The following KIF7 variants were observed in gnomAD, a reference collection of about 807,000 sequenced individuals.
The protein encoded by KIF7 is kinesin family member 7, also known as kinesin-like protein KIF7.
Under a neutral mutation model 135.7 loss-of-function variants are expected in KIF7, and 104 were observed. That is an observed-to-expected ratio of 0.77 (90% confidence interval 0.65 to 0.90). The LOEUF (loss-of-function observed/expected upper bound fraction) is 0.90. Ranked by LOEUF, KIF7 falls within the 40% of genes least tolerant of loss-of-function variation. The pLI is 0.00. For synonymous variants in KIF7, 883 were observed against 809.4 expected (o/e 1.09, Z -1.54); for missense variants, 2,005 against 1,839.1 (o/e 1.09, Z -1.65).
rs543250382 is a variant in KIF7 at position 89,619,564 on chromosome 15, T to A, written c.181-1369A>T. On this transcript the variant is annotated intron_variant and NMD_transcript_variant, in intron 1 of 2. Transcript: ENST00000558928. Reference sequence around the variant, plus strand: ...CCCCTCTTAGTTTGTTAAGAGACACTTCAGAAGTCTCTTAAAGCTAATAGC... The same window carrying A: ...CCCCTCTTAGTTTGTTAAGAGACACATCAGAAGTCTCTTAAAGCTAATAGC... 162 of 811,890 alleles carry A rather than the reference T, an allele frequency of 2.0e-4. 3 individuals carry two copies. The South Asian group carries it at 2.7e-3, about 13-fold the overall frequency. 50.3% of individuals were successfully genotyped at this position (811,890 alleles called of 1,614,324 possible). A position where few individuals can be genotyped will look rare whatever the true frequency, so the allele number is the denominator to read the frequency against.
chr15:89,629,188 G>C, intron 17 of KIF7, 66 bp from the exon 18 acceptor site: 2 of 1,452,672 alleles, frequency 1.4e-6, no homozygotes, highest in Admixed American at 3.7e-5. Context: ...CAGGGCTGTG[G>C]GGGTGGGGGC....
Position 89,642,395 on chromosome 15 carries a change from A to T in KIF7, c.2202T>A (p.Ala734=), listed in dbSNP as rs1195634938. The T allele has an allele frequency of 2.5e-6, 4 of 1,600,790 alleles. No homozygotes were observed. The highest frequency in any genetic ancestry group is 3.4e-6 in the Non-Finnish European group (4 of 1,174,472). The change falls in exon 11 of 19, where the codon GCT becomes GCA. Residue 734 remains alanine (A), a synonymous_variant. Transcript: ENST00000394412. ...GGCTGTGCTGGCGGTTCAGGGCCTG[A>T]GCTGCCTTTCCTGGAAGAAAGCGGG... ...IGELVRTGKA[A]QALNRQHSQR... is the part of the protein sequence containing the mutation.
At chr15:89,629,249 G>C in intron 17 of KIF7, 126 bp downstream of exon 17, 1 of 1,221,370 alleles carries the variant, frequency 8.2e-7, no homozygotes, top group Non-Finnish European at 1.1e-6. Flanking sequence ...GGCCACCAGG[G>C]CTGTAGGTGC....
At chr15:89,642,147 G>T in intron 11 of KIF7, 56 bp downstream of exon 11, 1 of 1,554,810 alleles carries the variant, frequency 6.4e-7, no homozygotes, top group South Asian at 1.1e-5. Flanking sequence ...CCCAAGGATG[G>T]CAGCCTAGGA....
Position 89,628,378 on chromosome 15 carries a change from G to A in KIF7, c.*41C>T. The A allele has an allele frequency of 6.4e-7, 1 of 1,566,862 alleles. No homozygotes were observed. The highest frequency in any genetic ancestry group is 1.4e-5 in the African/African-American group (1 of 73,480). ...AAACAGGCAGCTGCCCCTTTCAGCA[G>A]GCTCGGAGTCTCCCTCCAAGGCAGG... On this transcript the variant is annotated 3_prime_UTR_variant, in exon 19 of 19. Coordinates refer to ENST00000394412, the MANE Select transcript of KIF7 (RefSeq NM_198525.3).
chr15:89,660,351 A>C (rs1372069004), upstream of KIF7, among the ~76,000 whole-genome samples: 1 of 152,204 alleles, frequency 6.6e-6, no homozygotes, highest in Non-Finnish European at 1.5e-5. Context: ...GATGAAAACT[A>C]TATTTCCCAT....
At chr15:89,653,610 CTCTT>C (rs1234111761) in intron 1 of KIF7, among the ~76,000 whole-genome samples, 1 of 152,184 alleles carries the variant, frequency 6.6e-6, no homozygotes, top group African/African-American at 2.4e-5. Context: ...CAGGGTCTCT[CTCTT>C]TCACCCAGAC....
chr15:89,629,859 A>G, intron 16 of KIF7: 1 of 555,824 alleles, frequency 1.8e-6, no homozygotes, highest in Non-Finnish European at 3.2e-6. Context: ...TTTCATCTAG[A>G]CCAACCTCAG....
intron 2 of KIF7, among the ~76,000 whole-genome samples, chr15:89,651,906 G>A (rs576031825): frequency 6.0e-4 from 91 of 152,136 alleles, no homozygotes; most frequent in Non-Finnish European, 1.3e-3. Flanking sequence ...CCCCTTCTGT[G>A]TACTACCATG....
chr15:89,623,731 T>A (rs1323583024), downstream of KIF7: 1 of 1,613,534 alleles, frequency 6.2e-7, no homozygotes, highest in South Asian at 1.1e-5. Context: ...GCTGCAGAAG[T>A]CCCCTGCAAA....
chr15:89,640,824 TAAAAAAAAAAAAA>T (rs10716351), intron 11 of KIF7, among the ~76,000 whole-genome samples: 2 of 134,592 alleles, frequency 1.5e-5, no homozygotes, highest in African/African-American at 2.8e-5. Context: ...TGTCTCTACT[TAAAAAAAAAAAAA>T]AAAAGAAAAA....
chr15:89,633,341 C>A, intron 12 of KIF7, 75 bp from the exon 13 acceptor site: 1 of 1,527,780 alleles, frequency 6.5e-7, no homozygotes, highest in Non-Finnish European at 8.8e-7. Context: ...GATCCCAAAG[C>A]CCCCAGGAGT....
chr15:89,628,793 T>G lies in KIF7; in HGVS notation c.3665-7A>C. ...AGGCTCCTCTTCTCCCCACCTGTCA[T>G]GGAGAGTAACGTGTCCTCATCAGAA... On this transcript the variant is annotated splice_polypyrimidine_tract_variant and splice_region_variant and intron_variant, in intron 18 of 18. Coordinates refer to ENST00000394412, the MANE Select transcript of KIF7 (RefSeq NM_198525.3). The G allele has an allele frequency of 6.2e-7, 1 of 1,611,824 alleles. No homozygotes were observed. The highest frequency in any genetic ancestry group is 8.5e-7 in the Non-Finnish European group (1 of 1,179,978).
In KIF7 at chr15:89,633,711, A is replaced by AT. The variant is rs1157312406; in HGVS notation, c.2566dup (p.Met856AsnfsTer16). The AT allele has an allele frequency of 6.2e-7, 1 of 1,607,830 alleles. No homozygotes were observed. The highest frequency in any genetic ancestry group is 8.5e-7 in the Non-Finnish European group (1 of 1,179,460). ...CTTGACGCGGTGCTGCCGCTTGCTC[A>AT]TTTCTGCCTCCAGGCGCCGCTTCTG... On this transcript the variant is annotated frameshift_variant, in exon 12 of 19. Transcript: ENST00000394412. LOFTEE classifies it high-confidence loss of function.
chr15:89,647,534 C>T, intron 6 of KIF7, 62 bp downstream of exon 6: 1 of 1,442,046 alleles, frequency 6.9e-7, no homozygotes, highest in African/African-American at 1.4e-5. Flanking sequence ...AGAAACTCAG[C>T]TCTGCCTTCC....
chr15:89,660,487 G>C, the KIF7 span, among the ~76,000 whole-genome samples: 2 of 152,214 alleles, frequency 1.3e-5, no homozygotes, highest in Non-Finnish European at 2.9e-5. Flanking sequence ...TCTGTGGCTA[G>C]AATATGGAGT....
the KIF7 span, among the ~76,000 whole-genome samples, chr15:89,661,624 G>C: frequency 6.6e-6 from 1 of 152,142 alleles, no homozygotes; most frequent in Non-Finnish European, 1.5e-5. Context: ...CTAGATGACC[G>C]CACTAGCTCT....
At chr15:89,661,692 TAGA>T in the KIF7 span, among the ~76,000 whole-genome samples, 1 of 152,096 alleles carries the variant, frequency 6.6e-6, no homozygotes, top group Non-Finnish European at 1.5e-5. Context: ...CAGAAAAGCT[TAGA>T]AGAATTTGAC....
At position 89,652,643 on chromosome 15, in the gene KIF7, C is replaced by T. The variant is rs777317164; in HGVS notation, c.288G>A (p.Thr96=). Residue 96 remains threonine, a synonymous_variant, in exon 2 of 19, where the codon ACG becomes ACA. Transcript: ENST00000394412. ...CCATGGTGTATGTCTTCCCTGAGCCCGTCTGACCATAGGCAAAGACAGTGG... is the reference window on the plus strand; with the variant it reads ...CCATGGTGTATGTCTTCCCTGAGCCTGTCTGACCATAGGCAAAGACAGTGG... ...FNATVFAYGQ[T]GSGKTYTMGE... The T allele has an allele frequency of 1.4e-5, 21 of 1,546,402 alleles. No individual in the cohort carries two copies. The Middle Eastern group carries it at 6.7e-4, about 49-fold the overall frequency.
Sources: gnomAD v4.1 joint callset for allele counts (sites outside exome capture counted in the v4.1 genomes callset) on GRCh38, gnomAD v4.1.1 for gene constraint, MANE v1.5 for transcripts, NCBI Gene and HGNC (gene_info 2026-07-23, HGNC 2026-07-21) for gene names.